Variants in UBP1 observed in about 807,000 individuals in gnomAD.
The protein encoded by UBP1 is upstream binding protein 1.
Under a neutral mutation model 76.1 loss-of-function variants are expected in UBP1, and 22 were observed. The ratio of observed to expected loss-of-function variants is 0.29; its 90% CI spans 0.21 to 0.41. The LOEUF is 0.41. Ranked by LOEUF, UBP1 falls within the 10% of genes least tolerant of loss-of-function variation. The pLI, the probability that UBP1 is intolerant of heterozygous loss-of-function variation, is 1.00. For synonymous variants in UBP1, 224 were observed against 237.1 expected (o/e 0.94, Z 0.51); for missense variants, 436 against 668.1 (o/e 0.65, Z 3.83).
intron 15 of UBP1, chr3:33,391,427 A>C (rs2154054132): frequency 6.6e-6 from 1 of 152,266 alleles, no homozygotes; most frequent in African/African-American, 2.4e-5. Flanking sequence ...TCCCTAAATG[A>C]CCTTAACAAC....
At chr3:33,433,225 T>C (rs912378635) in intron 1 of UBP1, among the ~76,000 whole-genome samples, 1 of 151,252 alleles carries the variant, frequency 6.6e-6, no homozygotes, top group Non-Finnish European at 1.5e-5. Flanking sequence ...CATGCCTGGC[T>C]GATTTTTGTA....
chr3:33,431,928 A>G (rs1428002179), intron 1 of UBP1, among the ~76,000 whole-genome samples: 1 of 152,204 alleles, frequency 6.6e-6, no homozygotes, highest in African/African-American at 2.4e-5. Context: ...CAGGAAAGAC[A>G]TACTTGACAG....
At chr3:33,403,176 A>C (rs996526267) in intron 8 of UBP1, 1 of 352,306 alleles carries the variant, frequency 2.8e-6, no homozygotes, top group African/African-American at 2.2e-5. Flanking sequence ...ATATATGCTT[A>C]AGTATAATTG....
intron 14 of UBP1, 104 bp from the exon 15 acceptor site, chr3:33,392,718 A>G: frequency 9.4e-7 from 1 of 1,067,392 alleles, no homozygotes; most frequent in Middle Eastern, 2.1e-4. Flanking sequence ...CACAGGACTC[A>G]ATGGCCAAAA....
chr3:33,393,455 C>G lies in UBP1; in HGVS notation c.1391-1G>C, dbSNP rs796950235. 6.3e-7 allele frequency: 1 copy of G among 1,578,978 alleles called. No homozygotes were observed. The highest frequency in any genetic ancestry group is 8.6e-7 in the Non-Finnish European group (1 of 1,168,646). ...TCTTCCAAGTAGATTGCATGATAAA[C>G]TGAAATTAAAAAAAAAAAAAGAAAA... On this transcript the variant is annotated splice_acceptor_variant, in intron 13 of 15. Transcript: ENST00000283629. LOFTEE classifies it high-confidence loss of function.
rs768368014 is a variant in UBP1, at chr3:33,396,259, G to A, written c.1293C>T (p.Thr431=). 1.3e-6 allele frequency: 2 copies of A among 1,583,234 alleles called. No homozygotes were observed. The highest frequency in any genetic ancestry group is 2.3e-5 in the East Asian group (1 of 44,156). ...LKSRSVRPRL[T]IYVCREQPSS... ...TTGGCTGCTCCCGGCAGACATAGAT[G>A]GTTAAACGGGGTCTAACCGACCTGC... Residue 431 remains threonine, a synonymous_variant, in exon 13 of 16, where the codon ACC becomes ACT. Coordinates refer to ENST00000283629, the MANE Select transcript of UBP1 (RefSeq NM_014517.5).
In UBP1 at chr3:33,414,458, G is replaced by C. The variant is rs911581115; in HGVS notation, c.343-1631C>G. Among the ~76,000 whole-genome samples the C allele has an allele frequency of 1.1e-4, 16 of 152,098 alleles. 1 individual carries two copies. The highest frequency in any genetic ancestry group is 1.0e-3 in the Admixed American group (16 of 15,258). On this transcript the variant is annotated intron_variant, in intron 3 of 15. Transcript: ENST00000283629. ...AATAGGACAAAAAAAGACGAAAACA[G>C]AACAATCAGAGAAAGCACATTGCTA... is the stretch of plus-strand genomic sequence containing the variant.
chr3:33,393,352 C>T lies in UBP1; in HGVS notation c.1493G>A (p.Arg498Lys). The T allele has an allele frequency of 6.2e-7, 1 of 1,612,770 alleles. No individual in the cohort carries two copies. ...IPLHQINQVY[R>K]QGPTGIHILV... is the part of the protein sequence containing the mutation. ...AATGTGAATACCGGTGGGACCCTGT[C>T]TGTAAACCTGATTAATTTGGTGGAG... Residue 498 changes from arginine (R) to lysine (K), a missense_variant, in exon 14 of 16, where the codon AGA (arginine) becomes AAA (lysine). Around this residue, in one of 3 missense-constraint regions of UBP1, gnomAD observed 210 missense variants for 272.8 expected, o/e 0.77. Coordinates refer to ENST00000283629, the MANE Select transcript of UBP1 (RefSeq NM_014517.5).
At chr3:33,411,388 T>C (rs2044578272) in intron 5 of UBP1, among the ~76,000 whole-genome samples, 193 bp downstream of exon 5, 1 of 152,184 alleles carries the variant, frequency 6.6e-6, no homozygotes, top group Admixed American at 6.5e-5. Flanking sequence ...TTACATATCA[T>C]AGAATGTCTT....
chr3:33,439,939 C>T lies in UBP1; in HGVS notation c.-91G>A. ...CGCTGGCGCGTCCTGGGGGAGGGCG[C>T]GGGTGAAGCCTCCGGAGGGGCGGCG... On this transcript the variant is annotated 5_prime_UTR_variant, in exon 1 of 16. Coordinates refer to ENST00000283629, the MANE Select transcript of UBP1 (RefSeq NM_014517.5). 4 of 1,422,772 alleles carry T rather than the reference C, an allele frequency of 2.8e-6. No individual in the cohort carries two copies. Among genetic ancestry groups the T allele is most frequent in the Non-Finnish European group, 3.9e-6 (4 of 1,038,730 alleles). The allele number at this position is 1,422,772 out of a possible 1,614,324, so 88.1% of individuals were successfully genotyped here.
intron 15 of UBP1, chr3:33,392,236 T>C (rs941447173): frequency 4.5e-6 from 1 of 221,736 alleles, no homozygotes; most frequent in African/African-American, 2.3e-5. Context: ...CAATTTTGGT[T>C]TGCTTTCCCC....
chr3:33,415,982 C>T (rs1356706609), intron 3 of UBP1: 1 of 152,174 alleles, frequency 6.6e-6, no homozygotes, highest in Non-Finnish European at 1.5e-5. Context: ...ATTCCCACCA[C>T]AAGGCTGCCC....
rs755478369 is a variant in UBP1 at position 33,425,660 on chromosome 3, C to T, written c.195G>A (p.Gln65=). The T allele has an allele frequency of 6.2e-7, 1 of 1,604,680 alleles. No homozygotes were observed. The highest frequency in any genetic ancestry group is 1.1e-5 in the South Asian group (1 of 90,268). Residue 65 remains glutamine (Q), a synonymous_variant, in exon 2 of 16, where the codon CAG becomes CAA. Transcript: ENST00000283629. The part of the protein sequence containing the change: ...LDGETEHPPF[Q]YVMCAATSPA... ...GTGACGTTGCAGCACACATCACATA[C>T]TGAAAGGGTGGGTGCTCTGTTTCAC...
chr3:33,425,527 C>A, intron 2 of UBP1, 63 bp downstream of exon 2: 1 of 1,426,050 alleles, frequency 7.0e-7, no homozygotes, highest in Non-Finnish European at 9.4e-7. Flanking sequence ...GGCTACAATG[C>A]CAAAATATTA....
rs149682507 is a variant in UBP1 at position 33,408,441 on chromosome 3, T to C, written c.927+249A>G. On this transcript the variant is annotated intron_variant, in intron 8 of 15. Coordinates refer to ENST00000283629, the MANE Select transcript of UBP1 (RefSeq NM_014517.5). ...CAGGGAGGGAATACATATCTCTGAG[T>C]GTCTTTTTTTCCCTCCAAAACCACC... 3.7e-3 allele frequency among the ~76,000 whole-genome samples: 559 copies of C among 152,118 alleles called. 3 individuals are homozygous for C. Among genetic ancestry groups the C allele is most frequent in the African/African-American group, 0.011 (436 of 41,502 alleles).
chr3:33,399,234 CA>C (rs1475970361), intron 11 of UBP1, among the ~76,000 whole-genome samples: 1 of 152,232 alleles, frequency 6.6e-6, no homozygotes, highest in East Asian at 1.9e-4. Flanking sequence ...ACTAGGTGGT[CA>C]TGTTGGAAAA....
At chr3:33,424,323 T>C (rs1215903832) in intron 2 of UBP1, among the ~76,000 whole-genome samples, 1 of 152,232 alleles carries the variant, frequency 6.6e-6, no homozygotes, top group East Asian at 1.9e-4. Flanking sequence ...TAAACTTATA[T>C]ATCAAATGAA....
chr3:33,397,856 C>G (rs933614330), intron 11 of UBP1: 1 of 151,992 alleles, frequency 6.6e-6, no homozygotes, highest in Non-Finnish European at 1.5e-5. Flanking sequence ...TCTATCTGAA[C>G]ACTCCCTTCG....
chr3:33,392,712 G>A (rs771867610), intron 14 of UBP1, 98 bp from the exon 15 acceptor site: 9 of 1,129,726 alleles, frequency 8.0e-6, no homozygotes, highest in Non-Finnish European at 1.1e-5. Flanking sequence ...AACAAACACA[G>A]GACTCAATGG....
Sources: allele counts gnomAD v4.1 joint callset (sites outside exome capture counted in the v4.1 genomes callset), GRCh38; gene constraint gnomAD v4.1.1; regional missense constraint gnomAD v4.1.1; transcripts MANE v1.5; gene names NCBI Gene and HGNC (gene_info 2026-07-23, HGNC 2026-07-21).